Variants in RARG observed in about 807,000 individuals in gnomAD.
RARG encodes the protein retinoic acid receptor gamma, also known as RAR-gamma.
A neutral mutation model predicts 43.7 loss-of-function variants in RARG; 17 were observed. That is an observed-to-expected ratio of 0.39 (90% CI 0.27 to 0.58). RARG has a LOEUF of 0.58. RARG is among the 20% of genes least tolerant of loss of function. RARG has a pLI of 0.57. For synonymous variants in RARG, 238 were observed against 236.4 expected, an observed-to-expected ratio of 1.01 and a Z score of -0.06; for missense variants, 346 against 598.7, an observed-to-expected ratio of 0.58 and a Z score of 4.40.
chr12:53,211,488 G>T lies in RARG; in HGVS notation c.*188C>A. ...GGGCAGGCCCCCGGGACTGGCGAGG[G>T]AGCCGGTTAGATCAGGAAGGGGATG... On this transcript the variant is annotated 3_prime_UTR_variant, in exon 10 of 10. Coordinates refer to ENST00000425354, the MANE Select transcript of RARG (RefSeq NM_000966.6). The surrounding 1 kb of genome is among the most constrained non-coding windows in gnomAD (Gnocchi z 4.6). 1 of 502,496 alleles carries T rather than the reference G, an allele frequency of 2.0e-6. No homozygotes were observed. Among genetic ancestry groups the T allele is most frequent in the East Asian group, 3.5e-5 (1 of 28,222 alleles). The allele number at this position is 502,496 out of a possible 1,614,324, so 31.1% of individuals were successfully genotyped here.
Sources: allele counts gnomAD v4.1 joint callset, GRCh38; gene constraint gnomAD v4.1.1; non-coding constraint Gnocchi (gnomAD v3.1); transcripts MANE v1.5; gene names NCBI Gene and HGNC (gene_info 2026-07-23, HGNC 2026-07-21).